Variants in BTF3L4 observed in about 807,000 individuals in gnomAD.
The protein encoded by BTF3L4 is basic transcription factor 3 like 4, also known as transcription factor BTF3 homolog 4.
Under a neutral mutation model 16.8 loss-of-function variants are expected in BTF3L4, and 6 were observed. The observed-to-expected ratio is 0.36, with a 90% CI of 0.20 to 0.71. BTF3L4 has a LOEUF of 0.71. Among genes scored for constraint, BTF3L4 ranks in the 30% least tolerant of loss-of-function variants. The pLI, the probability that BTF3L4 is intolerant of heterozygous loss-of-function variation, is 0.58. For synonymous variants in BTF3L4, 39 were observed against 59.8 expected (o/e 0.65, Z 1.60); for missense variants, 92 against 186.9 (o/e 0.49, Z 2.96).
chr1:52,064,675 A>G (rs1292642768), intron 2 of BTF3L4, 150 bp from the exon 3 acceptor site: 1 of 473,294 alleles, frequency 2.1e-6, no homozygotes, highest in Middle Eastern at 5.7e-4. Context: ...GCTGACAATC[A>G]CAACCTCTGA....
intron 2 of BTF3L4, among the ~76,000 whole-genome samples, chr1:52,061,635 CTTTT>C (rs67186641): frequency 6.2e-5 from 4 of 65,030 alleles, no homozygotes; most frequent in Admixed American, 1.9e-4. Flanking sequence ...TACAGCTATT[CTTTT>C]TTTTTTTTTT....
intron 3 of BTF3L4, among the ~76,000 whole-genome samples, chr1:52,075,032 C>T (rs768536934): frequency 3.0e-4 from 45 of 151,806 alleles, no homozygotes; most frequent in South Asian, 1.3e-3. Context: ...GCTAGGATTA[C>T]GGGCATGAGC....
chr1:52,088,739 C>G lies in BTF3L4; in HGVS notation c.*1981C>G, dbSNP rs1361465829. 1 of 152,108 alleles carries G rather than the reference C, an allele frequency of 6.6e-6. No homozygotes were observed. Among genetic ancestry groups the G allele is most frequent in the Non-Finnish European group, 1.5e-5 (1 of 68,016 alleles). 9.4% of individuals were successfully genotyped at this position (152,108 alleles called of 1,614,324 possible). A position where few individuals can be genotyped will look rare whatever the true frequency, so the allele number is the denominator to read the frequency against. ...ATGTGACCTTGGACAGGTCATCTAA[C>G]TACTCTGAAATTTATCATCAGTCAA... On this transcript the variant is annotated 3_prime_UTR_variant, in exon 6 of 6. Coordinates refer to ENST00000313334, the MANE Select transcript of BTF3L4 (RefSeq NM_152265.5).
At chr1:52,076,417 T>C (rs1028039354) in intron 3 of BTF3L4, among the ~76,000 whole-genome samples, 1 of 151,674 alleles carries the variant, frequency 6.6e-6, no homozygotes, top group Non-Finnish European at 1.5e-5. Context: ...CTACTAAAAA[T>C]ACAAAAATTA....
At position 52,083,423 on chromosome 1, in the gene BTF3L4, A is replaced by G. The variant is rs1643942023; in HGVS notation, c.252A>G (p.Ala84=). The part of the protein sequence containing the change: ...VQASLSANTF[A]ITGHAEAKPI... ...CTTCCCTTTCTGCTAATACCTTTGC[A>G]ATTACTGGTCATGCAGAAGCCAAAC... Residue 84 remains alanine (A), a synonymous_variant, in exon 4 of 6, where the codon GCA becomes GCG. Coordinates refer to ENST00000313334, the MANE Select transcript of BTF3L4 (RefSeq NM_152265.5). 3.1e-6 allele frequency: 5 copies of G among 1,610,272 alleles called. No homozygotes were observed. Among genetic ancestry groups the G allele is most frequent in the Non-Finnish European group, 4.2e-6 (5 of 1,176,802 alleles).
chr1:52,057,015 A>C (rs1161435277), intron 1 of BTF3L4, among the ~76,000 whole-genome samples: 2 of 152,226 alleles, frequency 1.3e-5, no homozygotes, highest in African/African-American at 4.8e-5. Context: ...AATAGTTACC[A>C]GTAACTGTGT....
At chr1:52,085,177 C>T (rs1383546262) in intron 4 of BTF3L4, among the ~76,000 whole-genome samples, 3 of 151,280 alleles carry the variant, frequency 2.0e-5, no homozygotes, top group East Asian at 3.9e-4. Flanking sequence ...CCCGCCACTG[C>T]GCCTGGCTAA....
intron 3 of BTF3L4, among the ~76,000 whole-genome samples, chr1:52,081,087 C>T (rs1643915557): frequency 6.6e-6 from 1 of 152,104 alleles, no homozygotes; most frequent in Admixed American, 6.6e-5. Flanking sequence ...ATCCACCCGC[C>T]TCAGCCTCCC....
At chr1:52,061,611 T>TTGC (rs779387573) in intron 2 of BTF3L4, among the ~76,000 whole-genome samples, 14 of 151,176 alleles carry the variant, frequency 9.3e-5, no homozygotes, top group Non-Finnish European at 1.6e-4. Context: ...ATGGAATGGC[T>TTGC]TGCTTTAATA....
At position 52,088,677 on chromosome 1, in the gene BTF3L4, G is replaced by A. The variant is rs1177804712; in HGVS notation, c.*1919G>A. ...CATGAAAGAAAACACACACTTGGAA[G>A]CCAGGAGACTTGTGTCCTAGTCAAA... On this transcript the variant is annotated 3_prime_UTR_variant, in exon 6 of 6. Transcript: ENST00000313334. 6 of 152,198 alleles carry A rather than the reference G, an allele frequency of 3.9e-5. No individual in the cohort carries two copies. The allele number at this position is 152,198 out of a possible 1,614,324, so 9.4% of individuals were successfully genotyped here.
chr1:52,057,188 C>T (rs543954835), intron 1 of BTF3L4, among the ~76,000 whole-genome samples: 1 of 152,220 alleles, frequency 6.6e-6, no homozygotes, highest in Non-Finnish European at 1.5e-5. Context: ...GATTCCAAAG[C>T]CTGTGCTTGT....
In BTF3L4 at chr1:52,089,646, T is replaced by G. The variant is rs1223902875; in HGVS notation, c.*2888T>G. The G allele has an allele frequency of 6.6e-6, 1 of 152,226 alleles. No individual in the cohort carries two copies. Among genetic ancestry groups the G allele is most frequent in the Non-Finnish European group, 1.5e-5 (1 of 68,036 alleles). 9.4% of individuals were successfully genotyped at this position (152,226 alleles called of 1,614,324 possible). A position where few individuals can be genotyped will look rare whatever the true frequency, so the allele number is the denominator to read the frequency against. On this transcript the variant is annotated 3_prime_UTR_variant, in exon 6 of 6. Transcript: ENST00000313334. ...ATTTTGGGATAATTCAAGAAATGTCTGCAGAAAATTGATTTATGATCTTAA... is the reference window on the plus strand; with the variant it reads ...ATTTTGGGATAATTCAAGAAATGTCGGCAGAAAATTGATTTATGATCTTAA...
At chr1:52,086,608 T>G in intron 5 of BTF3L4, 104 bp from the exon 6 acceptor site, 1 of 641,142 alleles carries the variant, frequency 1.6e-6, no homozygotes, top group East Asian at 2.8e-5. Flanking sequence ...CTAATTCTGG[T>G]TGTACTAATT....
chr1:52,061,629 G>A (rs1686512220), intron 2 of BTF3L4, among the ~76,000 whole-genome samples: 1 of 142,464 alleles, frequency 7.0e-6, no homozygotes, highest in Non-Finnish European at 1.5e-5. Context: ...ATATGGTACA[G>A]CTATTCTTTT....
intron 3 of BTF3L4, among the ~76,000 whole-genome samples, chr1:52,071,931 CTGTGTGTGTGTGTGTGTGTGTGTGTGTG>C (rs59491944): frequency 1.6e-5 from 2 of 127,898 alleles, no homozygotes; most frequent in Non-Finnish European, 3.2e-5. Flanking sequence ...GTTTTTTACT[CTGTGTGTGTGTGTGTGTGTGTGTGTGTG>C]TGTGTGTGTG....
chr1:52,084,333 G>C (rs1643950004), intron 4 of BTF3L4, among the ~76,000 whole-genome samples: 1 of 152,058 alleles, frequency 6.6e-6, no homozygotes, highest in African/African-American at 2.4e-5. Flanking sequence ...AGTATACACA[G>C]GGTTTCGCCA....
At position 52,072,723 on chromosome 1, in the gene BTF3L4, T is replaced by C. The variant is rs999243296; in HGVS notation, c.168+7785T>C. Among the ~76,000 whole-genome samples, 8 of 152,178 alleles carry C rather than the reference T, an allele frequency of 5.3e-5. No homozygotes were observed. In the East Asian group the frequency reaches 7.7e-4, roughly 15 times the overall value. ...GTATACCACATTTTATCCATCCTTA[T>C]TGGCATGTTTTGTATTTAAAAAGCT... is the stretch of plus-strand genomic sequence containing the variant. On this transcript the variant is annotated intron_variant, in intron 3 of 5. Coordinates refer to ENST00000313334, the MANE Select transcript of BTF3L4 (RefSeq NM_152265.5).
At chr1:52,057,768 C>T (rs1686410849) in intron 1 of BTF3L4, among the ~76,000 whole-genome samples, 1 of 152,166 alleles carries the variant, frequency 6.6e-6, no homozygotes, top group South Asian at 2.1e-4. Flanking sequence ...CTCTCAGTCT[C>T]CCTAAAATCA....
rs1644003106 is a variant in BTF3L4, at chr1:52,089,754, G to A, written c.*2996G>A. 2 of 152,130 alleles carry A rather than the reference G, an allele frequency of 1.3e-5. No homozygotes were observed. The highest frequency in any genetic ancestry group is 2.1e-4 in the South Asian group (1 of 4,834). The allele number at this position is 152,130 out of a possible 1,614,324, so 9.4% of individuals were successfully genotyped here. ...CTTATCTGTTTTGGACAAGTCCAAA[G>A]TAAATGGTTGGGCTCTTATATCTGT... On this transcript the variant is annotated 3_prime_UTR_variant, in exon 6 of 6. Transcript: ENST00000313334.
Sources: allele counts gnomAD v4.1 joint callset (sites outside exome capture counted in the v4.1 genomes callset), GRCh38; gene constraint gnomAD v4.1.1; transcripts MANE v1.5; gene names NCBI Gene and HGNC (gene_info 2026-07-23, HGNC 2026-07-21).